Variants in SNX29 observed in about 807,000 individuals in gnomAD.
SNX29 encodes the protein sorting nexin-29.
Under a neutral mutation model 102.1 loss-of-function variants are expected in SNX29, and 78 were observed. The observed-to-expected ratio is 0.76, with a 90% CI of 0.64 to 0.92. The LOEUF (loss-of-function observed/expected upper bound fraction) is 0.92. Among genes scored for constraint, SNX29 ranks in the 40% least tolerant of loss-of-function variants. SNX29 has a pLI of 0.00. For missense variants in SNX29, 1,280 were observed against 1,061.7 expected, an observed-to-expected ratio of 1.21 and a Z score of -2.86; for synonymous variants, 580 against 414.5, an observed-to-expected ratio of 1.40 and a Z score of -4.85.
chr16:12,543,037 C>G (rs543555204), intron 20 of SNX29, among the ~76,000 whole-genome samples: 6 of 152,142 alleles, frequency 3.9e-5, no homozygotes, highest in African/African-American at 7.2e-5. Flanking sequence ...TCCAGAGGCT[C>G]AAAAAGTGTC....
chr16:12,380,771 A>C (rs1260343933), intron 16 of SNX29, among the ~76,000 whole-genome samples: 40 of 37,484 alleles, frequency 1.1e-3, no homozygotes, highest in Non-Finnish European at 1.4e-3. Context: ...CCCACCCACC[A>C]TCCATCCATC....
chr16:12,190,355 C>T (rs2076612004), intron 13 of SNX29, among the ~76,000 whole-genome samples: 1 of 152,062 alleles, frequency 6.6e-6, no homozygotes, highest in South Asian at 2.1e-4. Flanking sequence ...TGGCCACTGT[C>T]TTCAAGGATC....
intron 14 of SNX29, among the ~76,000 whole-genome samples, chr16:12,237,746 A>G (rs1484565873): frequency 6.6e-6 from 1 of 152,114 alleles, no homozygotes; most frequent in East Asian, 1.9e-4. Flanking sequence ...CGTCTCTACT[A>G]AAAATACAAA....
rs36096248 is a variant in SNX29 at position 12,132,101 on chromosome 16, C to CTT, written c.1595+2356_1595+2357dup. On this transcript the variant is annotated intron_variant, in intron 13 of 20. Transcript: ENST00000566228. ...AGAGAGACAGAATTATATGCCCTGTCTTTTTTTTTTTTTTGGATGGATTCT... is the reference window on the plus strand; with the variant it reads ...AGAGAGACAGAATTATATGCCCTGTCTTTTTTTTTTTTTTTTGGATGGATTCT... Among the ~76,000 whole-genome samples the CTT allele has an allele frequency of 2.6e-4, 37 of 142,946 alleles. 1 individual carries two copies. The highest frequency in any genetic ancestry group is 3.8e-3 in the Middle Eastern group (1 of 266). 93.8% of individuals were successfully genotyped at this position (142,946 alleles called of 152,430 possible). A position where few individuals can be genotyped will look rare whatever the true frequency, so the allele number is the denominator to read the frequency against.
At chr16:12,036,787 A>G (rs2057489047) in intron 4 of SNX29, among the ~76,000 whole-genome samples, 1 of 152,234 alleles carries the variant, frequency 6.6e-6, no homozygotes, top group African/African-American at 2.4e-5. Flanking sequence ...TCTTCTATAG[A>G]TGATTGTCAG....
chr16:12,346,836 G>C (rs11648926), intron 15 of SNX29, among the ~76,000 whole-genome samples: 9,016 of 151,994 alleles, frequency 0.059, 455 homozygotes, highest in African/African-American at 0.13. Context: ...TTGTCTCCAG[G>C]GGGGTAGCAG....
chr16:12,438,875 C>A (rs1597381266), intron 18 of SNX29, among the ~76,000 whole-genome samples: 1 of 152,146 alleles, frequency 6.6e-6, no homozygotes, highest in East Asian at 1.9e-4. Context: ...GGAGCCGGGC[C>A]TGTTGGAAGA....
intron 20 of SNX29, among the ~76,000 whole-genome samples, chr16:12,563,904 C>T (rs566294714): frequency 2.0e-5 from 3 of 152,334 alleles, no homozygotes; most frequent in African/African-American, 7.2e-5. Flanking sequence ...GTCTCTGGAG[C>T]AGGCAGCCGA....
intron 14 of SNX29, among the ~76,000 whole-genome samples, chr16:12,208,270 C>T (rs2077095769): frequency 6.6e-6 from 1 of 152,222 alleles, no homozygotes; most frequent in Non-Finnish European, 1.5e-5. Flanking sequence ...ACTCTACCCA[C>T]TGCAAGTGGG....
chr16:12,542,294 A>C lies in SNX29; in HGVS notation c.2318+17453A>C, dbSNP rs199836058. 1.6e-4 allele frequency among the ~76,000 whole-genome samples: 24 copies of C among 152,330 alleles called. No individual in the cohort carries two copies. The East Asian group carries it at 3.7e-3, about 23-fold the overall frequency. ...CATGGAGAAATGGAGGAACTTGCCC[A>C]AGATCACAGCTAGTAAGTTTTAGAG... is the stretch of plus-strand genomic sequence containing the variant. On this transcript the variant is annotated intron_variant, in intron 20 of 20. Transcript: ENST00000566228.
rs187302188 is a variant in SNX29, at chr16:12,021,118, A to G, written c.123-6202A>G. On this transcript the variant is annotated intron_variant, in intron 3 of 20. Coordinates refer to ENST00000566228, the MANE Select transcript of SNX29 (RefSeq NM_032167.5). ...TAGTTGGTTTTCTCAAAAAGGCTCCAGTAAAGCTGTAACATAGTAAAAGAA... is the reference window on the plus strand; with the variant it reads ...TAGTTGGTTTTCTCAAAAAGGCTCCGGTAAAGCTGTAACATAGTAAAAGAA... Among the ~76,000 whole-genome samples the G allele has an allele frequency of 1.3e-3, 199 of 152,330 alleles. 2 individuals carry two copies. Among genetic ancestry groups the G allele is most frequent in the African/African-American group, 4.5e-3 (186 of 41,574 alleles).
chr16:12,037,038 C>T (rs186074200), intron 4 of SNX29, among the ~76,000 whole-genome samples: 2 of 152,156 alleles, frequency 1.3e-5, no homozygotes, highest in East Asian at 3.9e-4. Context: ...GGTGGGGTCT[C>T]GCTACATTAT....
chr16:12,203,825 C>T (rs1049956022), intron 14 of SNX29, among the ~76,000 whole-genome samples: 6 of 152,220 alleles, frequency 3.9e-5, no homozygotes, highest in African/African-American at 7.2e-5. Context: ...ACACGTGACT[C>T]CAGAGAGACA....
chr16:12,556,540 C>G (rs1416729098), intron 20 of SNX29: 2 of 152,270 alleles, frequency 1.3e-5, no homozygotes, highest in African/African-American at 2.4e-5. Context: ...GGGATTACAG[C>G]TGTGGGAAAC....
intron 19 of SNX29, among the ~76,000 whole-genome samples, chr16:12,521,684 C>G (rs908388282): frequency 2.0e-4 from 30 of 152,162 alleles, no homozygotes; most frequent in African/African-American, 7.2e-4. Context: ...AAAAACTAGG[C>G]TTCATGAGCT....
chr16:12,245,313 T>G (rs79623621), intron 14 of SNX29, among the ~76,000 whole-genome samples: 16,652 of 151,974 alleles, frequency 0.11, 1,677 homozygotes, highest in East Asian at 0.31. Context: ...CCCTCACAAG[T>G]TTGTTGAGGT....
intron 18 of SNX29, among the ~76,000 whole-genome samples, chr16:12,417,777 C>T (rs2084702916): frequency 6.6e-6 from 1 of 152,132 alleles, no homozygotes. Context: ...CTTCCCCTTT[C>T]CTTCTTTCTC....
In SNX29 at chr16:12,534,328, G is replaced by A. The variant is rs537196186; in HGVS notation, c.2318+9487G>A. 3.3e-5 allele frequency among the ~76,000 whole-genome samples: 5 copies of A among 152,334 alleles called. No homozygotes were observed. The East Asian group carries it at 9.6e-4, about 29-fold the overall frequency. Reference sequence around the variant, plus strand: ...CTCCTAATGAGGGCCTCTGTGCCCAGCCAAATGTCCTGGTCTTTGGAGAGG... The same window carrying A: ...CTCCTAATGAGGGCCTCTGTGCCCAACCAAATGTCCTGGTCTTTGGAGAGG... On this transcript the variant is annotated intron_variant, in intron 20 of 20. Transcript: ENST00000566228.
chr16:12,340,561 G>A (rs976260008), intron 15 of SNX29, among the ~76,000 whole-genome samples: 4 of 152,164 alleles, frequency 2.6e-5, no homozygotes, highest in African/African-American at 9.7e-5. Flanking sequence ...TTCTGGAAAC[G>A]TTGGTCTGTG....
Sources: gnomAD v4.1 joint callset for allele counts (sites outside exome capture counted in the v4.1 genomes callset) on GRCh38, gnomAD v4.1.1 for gene constraint, MANE v1.5 for transcripts, NCBI Gene and HGNC (gene_info 2026-07-23, HGNC 2026-07-21) for gene names.